FAM161A: variants seen among roughly 807,000 people sequenced by gnomAD.
The protein encoded by FAM161A is FAM161 centrosomal protein A.
In FAM161A, 57 loss-of-function variants were observed where a neutral mutation model predicts 70.9. That is an observed-to-expected ratio of 0.80 (90% CI 0.65 to 1.00). FAM161A has a LOEUF of 1.00. Ranked by LOEUF, FAM161A falls within the 50% of genes least tolerant of loss-of-function variation. FAM161A has a pLI of 0.00. For missense variants in FAM161A, 880 were observed against 836.0 expected, an observed-to-expected ratio of 1.05 and a Z score of -0.65; for synonymous variants, 299 against 295.7, an observed-to-expected ratio of 1.01 and a Z score of -0.12.
chr2:61,828,356 T>C (rs1487808798), intron 5 of FAM161A, among the ~76,000 whole-genome samples: 2 of 150,010 alleles, frequency 1.3e-5, no homozygotes, highest in Admixed American at 6.6e-5. Context: ...TGAAAAAGGG[T>C]CTTGCTCTGT....
At chr2:61,829,909 A>G (rs1485638066) in intron 5 of FAM161A, among the ~76,000 whole-genome samples, 2 of 152,194 alleles carry the variant, frequency 1.3e-5, no homozygotes, top group Non-Finnish European at 2.9e-5. Context: ...CTGCAAGCAA[A>G]TTTATTAAAA....
chr2:61,821,128 C>A (rs181591834), downstream of FAM161A, among the ~76,000 whole-genome samples: 568 of 151,862 alleles, frequency 3.7e-3, 4 homozygotes, highest in Non-Finnish European at 5.1e-3. Flanking sequence ...TCTCAGCTCA[C>A]TGCAACCTCG....
chr2:61,832,878 T>C (rs1295692752), intron 5 of FAM161A, among the ~76,000 whole-genome samples: 1 of 152,108 alleles, frequency 6.6e-6, no homozygotes, highest in African/African-American at 2.4e-5. Context: ...AACCAGTCTC[T>C]AGCGCCAAAA....
At chr2:61,804,798 G>GAAAGAAAGAAAGAAAGAAAGA in the FAM161A span, among the ~76,000 whole-genome samples, 1 of 140,312 alleles carries the variant, frequency 7.1e-6, no homozygotes, top group Non-Finnish European at 1.6e-5. Flanking sequence ...AAGAAAGAAA[G>GAAAGAAAGAAAGAAAGAAAGA]AAAGAAAGAA....
the FAM161A span, among the ~76,000 whole-genome samples, chr2:61,812,077 C>G: frequency 2.1e-3 from 323 of 152,258 alleles, 2 homozygotes; most frequent in African/African-American, 7.4e-3. Context: ...ACAGCCCTAA[C>G]TTCCTTCTGG....
the FAM161A span, among the ~76,000 whole-genome samples, chr2:61,806,905 G>C: frequency 6.6e-6 from 1 of 151,818 alleles, no homozygotes; most frequent in East Asian, 1.9e-4. Context: ...TGTTAGTCAT[G>C]ATGGTCTTGA....
Position 61,839,844 on chromosome 2 carries a change from C to T in FAM161A, c.1160G>A (p.Arg387Lys). ...TGAGTTCTGTAAATGCTCCTGGGCT[C>T]TCAGCTGTGTCCTAAGGTTTCGATA... ...ELYRNLRTQL[R>K]AQEHLQNSSP... The change falls in exon 3 of 7, where the codon AGA becomes AAA. Residue 387 changes from arginine to lysine, a missense_variant. Physicochemically the swap from Arg to Lys is conservative, Grantham distance 26. Transcript: ENST00000404929. The T allele has an allele frequency of 6.2e-7, 1 of 1,614,216 alleles. No individual in the cohort carries two copies. Among genetic ancestry groups the T allele is most frequent in the Middle Eastern group, 1.6e-4 (1 of 6,062 alleles).
intron 4 of FAM161A, 35 bp downstream of exon 4, chr2:61,838,503 C>T: frequency 6.5e-7 from 1 of 1,550,088 alleles, no homozygotes; most frequent in African/African-American, 1.4e-5. Flanking sequence ...GTTTGAAAAC[C>T]AGTGGTCTGG....
rs535265888 is a variant in FAM161A at position 61,825,936 on chromosome 2, G to T, written c.*519C>A. 85 of 453,826 alleles carry T rather than the reference G, an allele frequency of 1.9e-4. No individual in the cohort carries two copies. The highest frequency in any genetic ancestry group is 3.5e-4 in the Admixed American group (15 of 42,496). 28.1% of individuals were successfully genotyped at this position (453,826 alleles called of 1,614,324 possible). On this transcript the variant is annotated 3_prime_UTR_variant, in exon 7 of 7. Coordinates refer to ENST00000404929, the MANE Select transcript of FAM161A (RefSeq NM_001201543.2). ...ACAGGCATGAGCCACCATACCCGGC[G>T]TTTTTTCTATACTTTTAAAAATGGC...
intron 1 of FAM161A, among the ~76,000 whole-genome samples, chr2:61,849,154 A>T (rs1340883014): frequency 7.7e-6 from 1 of 130,336 alleles, no homozygotes; most frequent in Non-Finnish European, 1.6e-5. Context: ...TTATATATTT[A>T]TTTATATATT....
chr2:61,821,075 CAA>C (rs1459839309), downstream of FAM161A, among the ~76,000 whole-genome samples: 4 of 145,842 alleles, frequency 2.7e-5, no homozygotes, highest in Admixed American at 2.1e-4. Context: ...TTTTCTTAGA[CAA>C]AGTCTTGCTC....
chr2:61,820,603 T>A, downstream of FAM161A: 1 of 684,090 alleles, frequency 1.5e-6, no homozygotes. Flanking sequence ...GTAACTGGTA[T>A]TAAGGGGTTA....
At chr2:61,811,542 T>A in the FAM161A span, among the ~76,000 whole-genome samples, 1 of 151,982 alleles carries the variant, frequency 6.6e-6, no homozygotes, top group Non-Finnish European at 1.5e-5. Flanking sequence ...CCCTGCTAAT[T>A]TTCGTATTTT....
chr2:61,827,210 C>G lies in FAM161A; in HGVS notation c.1900G>C (p.Ala634Pro), dbSNP rs764985554. The change falls in exon 6 of 7, where the codon GCA becomes CCA. Residue 634 changes from alanine (A) to proline (P), a missense_variant. Physicochemically the swap from Ala to Pro is conservative, Grantham distance 27 (BLOSUM62 -1). Coordinates refer to ENST00000404929, the MANE Select transcript of FAM161A (RefSeq NM_001201543.2). The stretch of plus-strand genomic sequence containing the variant: ...ACAAACTCATCAGATATTCCTAGTG[C>G]TTTTAGGGTATTAGAATAATGCTTT... The part of the protein sequence containing the change: ...AEKHYSNTLK[A>P]LGISDEFVSK... The G allele has an allele frequency of 1.2e-6, 2 of 1,613,776 alleles. No homozygotes were observed. The highest frequency in any genetic ancestry group is 2.2e-5 in the South Asian group (2 of 91,080).
chr2:61,813,378 T>C, the FAM161A span, among the ~76,000 whole-genome samples: 1 of 144,812 alleles, frequency 6.9e-6, no homozygotes, highest in East Asian at 2.0e-4. Context: ...TCGTCTCTAC[T>C]AAAAAAAAAA....
At chr2:61,804,490 G>A in the FAM161A span, among the ~76,000 whole-genome samples, 1 of 152,022 alleles carries the variant, frequency 6.6e-6, no homozygotes, top group Non-Finnish European at 1.5e-5. Flanking sequence ...TTTGAGACCA[G>A]CCTGGTCAAC....
the FAM161A span, among the ~76,000 whole-genome samples, chr2:61,809,373 CT>C: frequency 6.6e-6 from 1 of 152,294 alleles, no homozygotes; most frequent in Non-Finnish European, 1.5e-5. Flanking sequence ...CTAGGACTCT[CT>C]TTGTTTACAT....
At chr2:61,833,163 G>A (rs1672645410) in intron 5 of FAM161A, among the ~76,000 whole-genome samples, 1 of 152,034 alleles carries the variant, frequency 6.6e-6, no homozygotes, top group African/African-American at 2.4e-5. Flanking sequence ...GGTGGTTCAC[G>A]CCTGTAATCC....
Position 61,840,587 on chromosome 2 carries a change from T to G in FAM161A, c.423-6A>C, listed in dbSNP as rs2105084067. The G allele has an allele frequency of 3.2e-6, 5 of 1,562,920 alleles. No homozygotes were observed. The highest frequency in any genetic ancestry group is 4.4e-6 in the Non-Finnish European group (5 of 1,133,578). On this transcript the variant is annotated splice_polypyrimidine_tract_variant and splice_region_variant and intron_variant, in intron 2 of 6. Coordinates refer to ENST00000404929, the MANE Select transcript of FAM161A (RefSeq NM_001201543.2). Reference sequence around the variant, plus strand: ...AGTTCTTTTCTGATACAGATCTAAATGAGAAGAATAACTATGTTATACTTT... The same window carrying G: ...AGTTCTTTTCTGATACAGATCTAAAGGAGAAGAATAACTATGTTATACTTT...
Sources: allele counts gnomAD v4.1 joint callset (sites outside exome capture counted in the v4.1 genomes callset), GRCh38; gene constraint gnomAD v4.1.1; transcripts MANE v1.5; gene names NCBI Gene and HGNC (gene_info 2026-07-23, HGNC 2026-07-21).